PDGFRB: variants seen among roughly 807,000 people sequenced by gnomAD.
PDGFRB encodes platelet derived growth factor receptor beta, also known as platelet-derived growth factor receptor beta.
Under a neutral mutation model 120.2 loss-of-function variants are expected in PDGFRB, and 42 were observed. The ratio of observed to expected loss-of-function variants is 0.35; its 90% confidence interval spans 0.27 to 0.45. PDGFRB has a LOEUF of 0.45. Among genes scored for constraint, PDGFRB ranks in the 20% least tolerant of loss-of-function variants. The probability of loss-of-function intolerance (pLI) is 1.00; values close to 1 mark genes in which losing one functional copy is unlikely to be tolerated. For missense variants in PDGFRB, 1,149 were observed against 1,476.3 expected, an observed-to-expected ratio of 0.78 and a Z score of 3.63; for synonymous variants, 586 against 606.8, an observed-to-expected ratio of 0.97 and a Z score of 0.50.
At chr5:150,116,440 A>T (rs246389) in intron 22 of PDGFRB, among the ~76,000 whole-genome samples, 56,169 of 151,384 alleles carry the variant, frequency 0.37, 10,823 homozygotes, top group Middle Eastern at 0.47. Context: ...AGAAACCCCA[A>T]CTCTACTAAA....
chr5:150,142,851 T>C (rs901369229), intron 1 of PDGFRB, among the ~76,000 whole-genome samples: 2 of 152,228 alleles, frequency 1.3e-5, no homozygotes, highest in African/African-American at 4.8e-5. Context: ...GTGTTCTCTC[T>C]CTTAAAATAT....
rs547424569 is a variant in PDGFRB at position 150,121,835 on chromosome 5, T to C, written c.2344+45A>G. The stretch of plus-strand genomic sequence containing the variant: ...GGCAAGGCTGGGCATGTGAAGAGCA[T>C]CAGCCTGTTTGGATGTGGGGTACTA... On this transcript the variant is annotated intron_variant, in intron 16 of 22. Transcript: ENST00000261799. The surrounding 1 kb of genome is among the most constrained non-coding windows in gnomAD (Gnocchi z 4.1). The C allele has an allele frequency of 1.4e-6, 2 of 1,451,112 alleles. No homozygotes were observed. The highest frequency in any genetic ancestry group is 1.9e-6 in the Non-Finnish European group (2 of 1,035,310). The allele number at this position is 1,451,112 out of a possible 1,614,324, so 89.9% of individuals were successfully genotyped here.
intron 1 of PDGFRB, among the ~76,000 whole-genome samples, chr5:150,144,012 T>C (rs1290488447): frequency 2.6e-5 from 4 of 151,980 alleles, no homozygotes; most frequent in Non-Finnish European, 5.9e-5. Flanking sequence ...CAAAGTCCCC[T>C]GAACAAAGCA....
At position 150,123,072 on chromosome 5, in the gene PDGFRB, T is replaced by C. The variant is rs775940331; in HGVS notation, c.2153A>G (p.Asn718Ser). The change falls in exon 15 of 23, where the codon AAT becomes AGT. Residue 718 changes from asparagine to serine, a missense_variant. Asn to Ser is a conservative substitution (Grantham distance 46). Transcript: ENST00000261799. ...CAGGGGGAGCCCAACGGGCAGAGCA[T>C]TGCTGTAGAGCTCCGCGCTGGGCGG... ...RRPPSAELYS[N>S]ALPVGLPLPS... The C allele has an allele frequency of 1.9e-6, 3 of 1,613,714 alleles. No individual in the cohort carries two copies. Among genetic ancestry groups the C allele is most frequent in the East Asian group, 2.2e-5 (1 of 44,872 alleles).
At position 150,117,858 on chromosome 5, in the gene PDGFRB, C is replaced by A; in HGVS notation, c.2905-8G>T. On this transcript the variant is annotated splice_region_variant and splice_polypyrimidine_tract_variant and intron_variant, in intron 21 of 22. Coordinates refer to ENST00000261799, the MANE Select transcript of PDGFRB (RefSeq NM_002609.4). ...ATCCACCTGCTGGTACTTCTGCTCCCGGGGCAGGGAGAACCAAAGAAACAG... is the reference window on the plus strand; with the variant it reads ...ATCCACCTGCTGGTACTTCTGCTCCAGGGGCAGGGAGAACCAAAGAAACAG... The A allele has an allele frequency of 6.4e-7, 1 of 1,555,554 alleles. No homozygotes were observed. The highest frequency in any genetic ancestry group is 8.8e-7 in the Non-Finnish European group (1 of 1,131,678).
At chr5:150,133,050 C>T (rs1281632434) in intron 6 of PDGFRB, 108 bp from the exon 7 acceptor site, 10 of 768,100 alleles carry the variant, frequency 1.3e-5, no homozygotes, top group African/African-American at 1.8e-5. Context: ...ACCGTGCCAG[C>T]CATGGAGTTT....
In PDGFRB at chr5:150,120,687, C is replaced by G. The variant is rs761794136; in HGVS notation, c.2586+201G>C. On this transcript the variant is annotated intron_variant, in intron 18 of 22. Coordinates refer to ENST00000261799, the MANE Select transcript of PDGFRB (RefSeq NM_002609.4). This position sits in a 1 kb window ranked among gnomAD's most constrained non-coding sequence, Gnocchi z 4.3. The stretch of plus-strand genomic sequence containing the variant: ...CCAGCCCTCCCCGCCGCTATACTTG[C>G]TCCATGCACTCCTGGGCGGCTCCCC... 1.3e-5 allele frequency among the ~76,000 whole-genome samples: 2 copies of G among 152,182 alleles called. No homozygotes were observed. Among genetic ancestry groups the G allele is most frequent in the Non-Finnish European group, 2.9e-5 (2 of 68,026 alleles).
Position 150,130,525 on chromosome 5 carries a change from C to A in PDGFRB, c.1367+14G>T. 6 of 1,611,744 alleles carry A rather than the reference C, an allele frequency of 3.7e-6. No individual in the cohort carries two copies. Among genetic ancestry groups the A allele is most frequent in the Non-Finnish European group, 5.1e-6 (6 of 1,179,290 alleles). ...GCTGGGGACACTGGGAGACTGAGGC[C>A]CAGGTCTGCTCACCTTTTGAGGTCT... On this transcript the variant is annotated intron_variant, in intron 9 of 22. Transcript: ENST00000261799.
Position 150,132,395 on chromosome 5 carries a change from CTG to C in PDGFRB, c.1128-303_1128-302del, listed in dbSNP as rs1368548829. On this transcript the variant is annotated intron_variant, in intron 7 of 22. Coordinates refer to ENST00000261799, the MANE Select transcript of PDGFRB (RefSeq NM_002609.4). The surrounding 1 kb of genome is among the most constrained non-coding windows in gnomAD (Gnocchi z 5.0). ...GCTCCATCCTAACCTACCACAGTCT[CTG>C]TCAGCCAGCAAATCTCCAGCCTCAG... Among the ~76,000 whole-genome samples the C allele has an allele frequency of 6.6e-6, 1 of 152,246 alleles. No homozygotes were observed. The highest frequency in any genetic ancestry group is 1.5e-5 in the Non-Finnish European group (1 of 68,044).
In PDGFRB at chr5:150,121,371, C is replaced by G; in HGVS notation, c.2345-49G>C. ...CTGCTATCTTATATCTCCTTCTGGC[C>G]CACAGGACCCCTGCCCTTTGGCTCC... On this transcript the variant is annotated intron_variant, in intron 16 of 22. Coordinates refer to ENST00000261799, the MANE Select transcript of PDGFRB (RefSeq NM_002609.4). This position sits in a 1 kb window ranked among gnomAD's most constrained non-coding sequence, Gnocchi z 4.1. 1 of 870,986 alleles carries G rather than the reference C, an allele frequency of 1.1e-6. No individual in the cohort carries two copies. Among genetic ancestry groups the G allele is most frequent in the African/African-American group, 1.6e-5 (1 of 60,994 alleles). 54.0% of individuals were successfully genotyped at this position (870,986 alleles called of 1,614,324 possible).
chr5:150,144,802 G>A (rs1490290516), intron 1 of PDGFRB, among the ~76,000 whole-genome samples: 2 of 152,144 alleles, frequency 1.3e-5, no homozygotes, highest in Admixed American at 6.5e-5. Context: ...CCTGCCCACC[G>A]GCTGCAGAGC....
At chr5:150,152,555 G>A (rs1300056488) in intron 1 of PDGFRB, among the ~76,000 whole-genome samples, 1 of 152,178 alleles carries the variant, frequency 6.6e-6, no homozygotes, top group East Asian at 1.9e-4. Context: ...GGGCATTTCA[G>A]AAGACCTTTT....
At chr5:150,141,923 G>A (rs1226974442) in intron 1 of PDGFRB, among the ~76,000 whole-genome samples, 1 of 152,092 alleles carries the variant, frequency 6.6e-6, no homozygotes, top group Non-Finnish European at 1.5e-5. Context: ...GCCAGGAACA[G>A]GCCGGGTAGA....
chr5:150,122,631 A>G (rs1760174563), intron 15 of PDGFRB, among the ~76,000 whole-genome samples: 1 of 152,208 alleles, frequency 6.6e-6, no homozygotes, highest in South Asian at 2.1e-4. Flanking sequence ...CTTTTTGGAA[A>G]AGACAAAGAC....
intron 1 of PDGFRB, among the ~76,000 whole-genome samples, chr5:150,141,764 G>GTT (rs1562020843): frequency 2.6e-5 from 4 of 152,248 alleles, no homozygotes; most frequent in African/African-American, 9.6e-5. Flanking sequence ...ATGTGTGTGT[G>GTT]TGTGTACACG....
chr5:150,138,712 G>A (rs902180183), intron 1 of PDGFRB, among the ~76,000 whole-genome samples: 1 of 152,192 alleles, frequency 6.6e-6, no homozygotes, highest in African/African-American at 2.4e-5. Flanking sequence ...TGGATGCCAG[G>A]CCTCCTTGGT....
chr5:150,150,730 C>A (rs1761054641), intron 1 of PDGFRB, among the ~76,000 whole-genome samples: 1 of 152,080 alleles, frequency 6.6e-6, no homozygotes. Flanking sequence ...ACACTGGAAG[C>A]AACAAGCATG....
Position 150,141,383 on chromosome 5 carries a change from A to G in PDGFRB, c.-6-4330T>C, listed in dbSNP as rs147003459. Among the ~76,000 whole-genome samples, 385 of 152,392 alleles carry G rather than the reference A, an allele frequency of 2.5e-3. 2 individuals carry two copies. The highest frequency in any genetic ancestry group is 8.8e-3 in the African/African-American group (365 of 41,600). On this transcript the variant is annotated intron_variant, in intron 1 of 22. Coordinates refer to ENST00000261799, the MANE Select transcript of PDGFRB (RefSeq NM_002609.4). ...CCAGGAACCATTCTGAGCATTTGGC[A>G]CGTATTGGCTCACTTGATTCTCCAT...
At chr5:150,154,501 C>T (rs759595926) in intron 1 of PDGFRB, among the ~76,000 whole-genome samples, 1 of 152,206 alleles carries the variant, frequency 6.6e-6, no homozygotes, top group Non-Finnish European at 1.5e-5. Flanking sequence ...ATAAAGCACT[C>T]AGCACAGTTG....
Sources: allele counts gnomAD v4.1 joint callset (sites outside exome capture counted in the v4.1 genomes callset), GRCh38; gene constraint gnomAD v4.1.1; non-coding constraint Gnocchi (gnomAD v3.1); transcripts MANE v1.5; gene names NCBI Gene and HGNC (gene_info 2026-07-23, HGNC 2026-07-21).